CERT1: variants seen among roughly 807,000 people sequenced by gnomAD.
The protein encoded by CERT1 is ceramide transfer protein.
Under a neutral mutation model 87.9 loss-of-function variants are expected in CERT1, and 31 were observed. That is an observed-to-expected ratio of 0.35 (90% CI 0.27 to 0.48). CERT1 has a LOEUF of 0.48. Among genes scored for constraint, CERT1 ranks in the 20% least tolerant of loss-of-function variants. CERT1 has a pLI of 0.99. For synonymous variants in CERT1, 289 were observed against 250.9 expected, an observed-to-expected ratio of 1.15 and a Z score of -1.44; for missense variants, 487 against 758.0, an observed-to-expected ratio of 0.64 and a Z score of 4.20.
intron 10 of CERT1, 146 bp from the exon 11 acceptor site, chr5:75,399,533 C>T (rs1762384030): frequency 1.5e-6 from 1 of 654,998 alleles, no homozygotes; most frequent in Non-Finnish European, 2.8e-6. Context: ...TGACTTCATG[C>T]ACCTATTATG....
intron 1 of CERT1, among the ~76,000 whole-genome samples, chr5:75,507,914 T>C (rs1328940885): frequency 6.6e-6 from 1 of 152,196 alleles, no homozygotes; most frequent in Non-Finnish European, 1.5e-5. Context: ...AACCCTTAAA[T>C]TTGCCTCCTC....
At chr5:75,457,849 G>C (rs1765053946) in intron 3 of CERT1, among the ~76,000 whole-genome samples, 2 of 150,486 alleles carry the variant, frequency 1.3e-5, no homozygotes, top group Admixed American at 6.6e-5. Context: ...TTTATCAATC[G>C]TGTTAGCTTT....
chr5:75,458,616 A>G (rs1485489640), intron 3 of CERT1, among the ~76,000 whole-genome samples: 1 of 152,022 alleles, frequency 6.6e-6, no homozygotes, highest in Non-Finnish European at 1.5e-5. Flanking sequence ...CAGTAGCCCA[A>G]TCTTGGCTTA....
intron 3 of CERT1, among the ~76,000 whole-genome samples, chr5:75,434,512 A>G (rs931496558): frequency 1.3e-5 from 2 of 152,102 alleles, no homozygotes; most frequent in African/African-American, 2.4e-5. Context: ...AGAATGAGTT[A>G]GGGAGGAATA....
At chr5:75,510,414 T>C (rs1272011826) in intron 1 of CERT1, among the ~76,000 whole-genome samples, 1 of 152,172 alleles carries the variant, frequency 6.6e-6, no homozygotes, top group Admixed American at 6.5e-5. Context: ...AAACATCTTT[T>C]CCTTACCCTC....
chr5:75,504,549 G>A (rs1476797536), intron 2 of CERT1, among the ~76,000 whole-genome samples: 1 of 152,138 alleles, frequency 6.6e-6, no homozygotes. Flanking sequence ...CGCTAAGTAA[G>A]GATTAGATAT....
intron 3 of CERT1, among the ~76,000 whole-genome samples, chr5:75,449,418 T>C (rs1764688074): frequency 6.6e-6 from 1 of 152,218 alleles, no homozygotes; most frequent in East Asian, 1.9e-4. Flanking sequence ...GCAGGTAGCG[T>C]ATTCTAAATT....
chr5:75,386,094 GAAAGC>G, intron 12 of CERT1, 60 bp from the exon 13 acceptor site: 1 of 1,330,672 alleles, frequency 7.5e-7, no homozygotes, highest in Non-Finnish European at 9.9e-7. Flanking sequence ...ATAAAAGCAG[GAAAGC>G]ATGCTTTTAA....
At chr5:75,504,262 A>G (rs1767549643) in intron 2 of CERT1, among the ~76,000 whole-genome samples, 1 of 152,084 alleles carries the variant, frequency 6.6e-6, no homozygotes, top group Admixed American at 6.6e-5. Context: ...CCAAAATATT[A>G]AACTAGATAC....
chr5:75,386,877 T>G (rs1038158019), intron 12 of CERT1, among the ~76,000 whole-genome samples: 4 of 152,180 alleles, frequency 2.6e-5, no homozygotes, highest in African/African-American at 9.7e-5. Flanking sequence ...TATTCTTTTT[T>G]GTTTTTTGAG....
Position 75,410,915 on chromosome 5 carries a change from T to C in CERT1, c.930+96A>G, listed in dbSNP as rs142873458. On this transcript the variant is annotated intron_variant, in intron 8 of 16. Transcript: ENST00000643780. Reference sequence around the variant, plus strand: ...AACACTGAGGAAAAAATTATATATTTAGAATATTTAAAGGTTACAAGAGTA... The same window carrying C: ...AACACTGAGGAAAAAATTATATATTCAGAATATTTAAAGGTTACAAGAGTA... 782 of 578,160 alleles carry C rather than the reference T, an allele frequency of 1.4e-3. 6 individuals carry two copies. The African/African-American group carries it at 0.014, about 10-fold the overall frequency. 35.8% of individuals were successfully genotyped at this position (578,160 alleles called of 1,614,324 possible). A position where few individuals can be genotyped will look rare whatever the true frequency, so the allele number is the denominator to read the frequency against.
chr5:75,413,815 C>A (rs891347479), intron 7 of CERT1, among the ~76,000 whole-genome samples: 14 of 152,056 alleles, frequency 9.2e-5, no homozygotes, highest in Non-Finnish European at 1.5e-5. Flanking sequence ...TCACCCATTG[C>A]TGGTAGAAAT....
rs563122529 is a variant in CERT1, at chr5:75,403,410, A to G, written c.931-352T>C. Among the ~76,000 whole-genome samples, 9 of 152,400 alleles carry G rather than the reference A, an allele frequency of 5.9e-5. No individual in the cohort carries two copies. In the South Asian group the frequency reaches 1.9e-3, roughly 32 times the overall value. On this transcript the variant is annotated intron_variant, in intron 8 of 16. Transcript: ENST00000643780. The stretch of plus-strand genomic sequence containing the variant: ...GAATTTCATTTTTAAATGGCTGGAA[A>G]AAATAAAAGTAATAATATGACATGT...
chr5:75,448,741 T>A (rs902531096), intron 3 of CERT1, among the ~76,000 whole-genome samples: 1 of 152,200 alleles, frequency 6.6e-6, no homozygotes, highest in African/African-American at 2.4e-5. Context: ...TCCCTCTTCA[T>A]TAAATAAAAA....
chr5:75,426,695 G>A (rs145014230), intron 3 of CERT1, among the ~76,000 whole-genome samples: 41 of 152,236 alleles, frequency 2.7e-4, no homozygotes, highest in Non-Finnish European at 4.3e-4. Context: ...TGGGCTAGTG[G>A]TCACAAAGAC....
At chr5:75,397,803 G>A (rs191137789) in intron 11 of CERT1, among the ~76,000 whole-genome samples, 2 of 152,088 alleles carry the variant, frequency 1.3e-5, no homozygotes, top group East Asian at 3.9e-4. Context: ...GGCAGATCAC[G>A]AGGTCAGGAG....
At chr5:75,499,721 T>C (rs1009668948) in intron 2 of CERT1, among the ~76,000 whole-genome samples, 2 of 152,192 alleles carry the variant, frequency 1.3e-5, no homozygotes, top group African/African-American at 4.8e-5. Context: ...TTATAAATAT[T>C]TAACAGTCAT....
At chr5:75,485,434 A>T (rs1294598279) in intron 2 of CERT1, among the ~76,000 whole-genome samples, 1 of 151,856 alleles carries the variant, frequency 6.6e-6, no homozygotes, top group Admixed American at 6.6e-5. Flanking sequence ...AAATGTAGAA[A>T]ACCTTCAAAT....
At chr5:75,482,884 A>G (rs909925601) in intron 2 of CERT1, among the ~76,000 whole-genome samples, 5 of 152,182 alleles carry the variant, frequency 3.3e-5, no homozygotes, top group African/African-American at 1.2e-4. Context: ...GTCAGTTCCC[A>G]TTGAACACTT....
Sources: gnomAD v4.1 joint callset for allele counts (sites outside exome capture counted in the v4.1 genomes callset) on GRCh38, gnomAD v4.1.1 for gene constraint, MANE v1.5 for transcripts, NCBI Gene and HGNC (gene_info 2026-07-23, HGNC 2026-07-21) for gene names.